ATP2B2: variants seen among roughly 807,000 people sequenced by gnomAD.
ATP2B2 encodes the protein plasma membrane calcium-transporting ATPase 2.
Under a neutral mutation model 120.0 loss-of-function variants are expected in ATP2B2, and 15 were observed. The ratio of observed to expected loss-of-function variants is 0.12; its 90% CI spans 0.08 to 0.19. ATP2B2 has a LOEUF of 0.19. Among genes scored for constraint, ATP2B2 ranks in the 10% least tolerant of loss-of-function variants. The pLI is 1.00. For synonymous variants in ATP2B2, 694 were observed against 700.3 expected, an observed-to-expected ratio of 0.99 and a Z score of 0.14; for missense variants, 1,045 against 1,719.8, an observed-to-expected ratio of 0.61 and a Z score of 6.94.
intron 3 of ATP2B2, among the ~76,000 whole-genome samples, chr3:10,512,482 A>T (rs147740470): frequency 2.7e-5 from 4 of 149,992 alleles, no homozygotes; most frequent in African/African-American, 9.8e-5. Context: ...ACACACACAC[A>T]CACACACACA....
At chr3:10,506,851 C>G (rs1356044074), upstream of ATP2B2, among the ~76,000 whole-genome samples, 1 of 152,244 alleles carries the variant, frequency 6.6e-6, no homozygotes, top group Non-Finnish European at 1.5e-5. Flanking sequence ...CCGAGCGTCC[C>G]GAGCTGCCGC....
At position 10,704,184 on chromosome 3, in the gene ATP2B2, C is replaced by T. The variant is rs2071861984; in HGVS notation, c.-460+3731G>A. On this transcript the variant is annotated intron_variant, in intron 1 of 21. Coordinates refer to the ATP2B2 transcript ENST00000646379. Reference sequence around the variant, plus strand: ...AGGCCATCATTTCCTGAGTGGTTGGCCTCGCCATAACTGAATAATAATAAA... The same window carrying T: ...AGGCCATCATTTCCTGAGTGGTTGGTCTCGCCATAACTGAATAATAATAAA... 2.0e-5 allele frequency among the ~76,000 whole-genome samples: 3 copies of T among 152,186 alleles called. No homozygotes were observed. In the South Asian group the frequency reaches 6.2e-4, roughly 31 times the overall value.
At chr3:10,649,198 C>T (rs775647985) in intron 1 of ATP2B2, among the ~76,000 whole-genome samples, 1 of 152,196 alleles carries the variant, frequency 6.6e-6, no homozygotes, top group Admixed American at 6.5e-5. Flanking sequence ...TGTGAGCTAC[C>T]ACATCTGGCA....
chr3:10,395,119 T>C (rs1323951418), intron 5 of ATP2B2, among the ~76,000 whole-genome samples: 1 of 152,182 alleles, frequency 6.6e-6, no homozygotes, highest in Non-Finnish European at 1.5e-5. Context: ...CCCTGAAATG[T>C]TGCAAGATGA....
chr3:10,463,694 GT>G (rs1181884114), intron 1 of ATP2B2, among the ~76,000 whole-genome samples: 4 of 152,236 alleles, frequency 2.6e-5, no homozygotes, highest in African/African-American at 9.7e-5. Flanking sequence ...CAGCATGTGG[GT>G]CAGGAGTGGG....
At chr3:10,578,287 C>A (rs1209170838) in intron 2 of ATP2B2, among the ~76,000 whole-genome samples, 1 of 152,100 alleles carries the variant, frequency 6.6e-6, no homozygotes, top group Admixed American at 6.5e-5. Context: ...TACACCTACC[C>A]TATGGCCCAG....
At chr3:10,441,656 T>C (rs1451842282) in intron 2 of ATP2B2, among the ~76,000 whole-genome samples, 2 of 152,326 alleles carry the variant, frequency 1.3e-5, no homozygotes, top group East Asian at 1.9e-4. Flanking sequence ...ACACTGCCCC[T>C]GAGAAAGCAT....
intron 1 of ATP2B2, among the ~76,000 whole-genome samples, chr3:10,674,716 CTG>C (rs1276407033): frequency 1.3e-5 from 2 of 152,222 alleles, no homozygotes; most frequent in Non-Finnish European, 2.9e-5. Flanking sequence ...CTCTGTCTCT[CTG>C]TACCCTTTGT....
chr3:10,650,070 C>T (rs180703888), intron 1 of ATP2B2, among the ~76,000 whole-genome samples: 163 of 152,238 alleles, frequency 1.1e-3, no homozygotes, highest in African/African-American at 3.3e-3. Context: ...ACTGTGGAAG[C>T]GACTTTGGAA....
chr3:10,642,755 G>A (rs2070209293), intron 1 of ATP2B2, among the ~76,000 whole-genome samples: 1 of 151,868 alleles, frequency 6.6e-6, no homozygotes, highest in South Asian at 2.1e-4. Flanking sequence ...CTGCCATGGT[G>A]GGCTGGATGT....
chr3:10,698,907 A>G (rs2071779042), intron 1 of ATP2B2, among the ~76,000 whole-genome samples: 1 of 152,254 alleles, frequency 6.6e-6, no homozygotes, highest in Non-Finnish European at 1.5e-5. Context: ...AGAAGCACTT[A>G]CAATTGCCTG....
chr3:10,692,211 AT>A (rs1215290868), intron 1 of ATP2B2, among the ~76,000 whole-genome samples: 1 of 152,212 alleles, frequency 6.6e-6, no homozygotes, highest in Non-Finnish European at 1.5e-5. Context: ...TGTGATTTCA[AT>A]TTCTGTTCAA....
chr3:10,459,418 G>C (rs1559364381), intron 1 of ATP2B2, among the ~76,000 whole-genome samples: 1 of 152,220 alleles, frequency 6.6e-6, no homozygotes, highest in Non-Finnish European at 1.5e-5. Flanking sequence ...GGGGATGGTG[G>C]CCCTGCCTGG....
chr3:10,595,366 C>T (rs1035569245), intron 2 of ATP2B2, among the ~76,000 whole-genome samples: 2 of 152,262 alleles, frequency 1.3e-5, no homozygotes, highest in Middle Eastern at 3.4e-3. Flanking sequence ...ATCTAAGGTC[C>T]TAATTAGTAA....
intron 1 of ATP2B2, among the ~76,000 whole-genome samples, chr3:10,473,348 C>G (rs1452089707): frequency 6.6e-6 from 1 of 152,192 alleles, no homozygotes; most frequent in East Asian, 1.9e-4. Flanking sequence ...CTATGAAGAG[C>G]AGGCCAGGTG....
At position 10,583,074 on chromosome 3, in the gene ATP2B2, C is replaced by A. The variant is rs1308519195; in HGVS notation, c.-415+36843G>T. 2.0e-5 allele frequency among the ~76,000 whole-genome samples: 3 copies of A among 152,332 alleles called. No individual in the cohort carries two copies. The East Asian group carries it at 5.8e-4, about 29-fold the overall frequency. ...GGCACCTGCTTCCTGCATTTGCTTT[C>A]TTTCAGAAGATTCTTGTGCATTTGT... On this transcript the variant is annotated intron_variant, in intron 2 of 21. Coordinates refer to the ATP2B2 transcript ENST00000646379.
intron 12 of ATP2B2, among the ~76,000 whole-genome samples, chr3:10,369,596 C>T (rs191623482): frequency 2.0e-5 from 3 of 152,298 alleles, no homozygotes; most frequent in African/African-American, 4.8e-5. Flanking sequence ...AAATGGAATC[C>T]TCTTTCGGTG....
intron 21 of ATP2B2, among the ~76,000 whole-genome samples, 163 bp from the exon 22 acceptor site, chr3:10,338,521 A>T (rs2060189464): frequency 6.8e-6 from 1 of 147,240 alleles, no homozygotes; most frequent in South Asian, 2.1e-4. Context: ...AGTCTTTGAC[A>T]ATGTCTTTTT....
At chr3:10,580,044 G>T (rs935301610) in intron 2 of ATP2B2, among the ~76,000 whole-genome samples, 3 of 152,096 alleles carry the variant, frequency 2.0e-5, no homozygotes, top group African/African-American at 4.8e-5. Flanking sequence ...GCAGGGATAG[G>T]CTGAGGTCCC....
Sources: gnomAD v4.1 joint callset for allele counts (sites outside exome capture counted in the v4.1 genomes callset) on GRCh38, gnomAD v4.1.1 for gene constraint, MANE v1.5 for transcripts, NCBI Gene and HGNC (gene_info 2026-07-23, HGNC 2026-07-21) for gene names.